The following DNAH8 variants were observed in gnomAD, a reference collection of about 807,000 sequenced individuals.
DNAH8 encodes the protein dynein axonemal heavy chain 8.
A neutral mutation model predicts 562.1 loss-of-function variants in DNAH8; 382 were observed. That is an observed-to-expected ratio of 0.68 (90% CI 0.63 to 0.74). The LOEUF (loss-of-function observed/expected upper bound fraction) is 0.74. DNAH8 is among the 30% of genes least tolerant of loss of function. The pLI is 0.00. For missense variants in DNAH8, 5,203 were observed against 5,620.4 expected (o/e 0.93, Z 2.37); for synonymous variants, 1,881 against 1,919.4 (o/e 0.98, Z 0.52).
intron 87 of DNAH8, among the ~76,000 whole-genome samples, chr6:38,987,878 G>A (rs1764506343): frequency 6.6e-6 from 1 of 152,180 alleles, no homozygotes; most frequent in Admixed American, 6.5e-5. Context: ...GGCCCTAAGG[G>A]CATGAGCTTA....
intron 24 of DNAH8, among the ~76,000 whole-genome samples, chr6:38,810,327 C>A (rs1049317670): frequency 1.3e-5 from 2 of 152,162 alleles, no homozygotes; most frequent in Non-Finnish European, 2.9e-5. Flanking sequence ...CGCAGTGGCT[C>A]ACCTCTGTAA....
At chr6:38,913,016 C>T (rs1347707539) in intron 66 of DNAH8, among the ~76,000 whole-genome samples, 1 of 152,206 alleles carries the variant, frequency 6.6e-6, no homozygotes. Flanking sequence ...GCCATGTTGG[C>T]CAGGCTGGTT....
Position 38,938,888 on chromosome 6 carries a change from A to G in DNAH8, c.11907A>G (p.Leu3969=), listed in dbSNP as rs1783202768. 1.9e-6 allele frequency: 3 copies of G among 1,613,728 alleles called. No homozygotes were observed. The highest frequency in any genetic ancestry group is 1.3e-5 in the African/African-American group (1 of 75,040). The change falls in exon 79 of 93, where the codon CTA becomes CTG. Residue 3969 remains leucine (L), a synonymous_variant. Coordinates refer to ENST00000327475, the MANE Select transcript of DNAH8 (RefSeq NM_001206927.2). The part of the protein sequence containing the change: ...YEVFTYSVRG[L]YENHKFLFVL... ...TTTTTACATACTCTGTCAGAGGCCTATACGAAAACCACAAATTCCTGTTTG... is the reference window on the plus strand; with the variant it reads ...TTTTTACATACTCTGTCAGAGGCCTGTACGAAAACCACAAATTCCTGTTTG...
At chr6:38,982,988 CATTATT>C (rs1307875162) in intron 86 of DNAH8, among the ~76,000 whole-genome samples, 1 of 152,136 alleles carries the variant, frequency 6.6e-6, no homozygotes, top group Non-Finnish European at 1.5e-5. Context: ...ATAAAAAAGG[CATTATT>C]ATTTATTTAT....
At chr6:38,838,973 C>T (rs1379683005) in intron 33 of DNAH8, among the ~76,000 whole-genome samples, 1 of 152,154 alleles carries the variant, frequency 6.6e-6, no homozygotes, top group African/African-American at 2.4e-5. Flanking sequence ...GTGAAAATTT[C>T]ATGAAAATAG....
At chr6:38,921,607 T>C (rs975224308) in intron 71 of DNAH8, 101 bp downstream of exon 71, 10 of 1,302,464 alleles carry the variant, frequency 7.7e-6, no homozygotes, top group Middle Eastern at 2.2e-4. Context: ...TGAAAAAATA[T>C]TGGCCAGCAT....
At chr6:38,881,955 C>A (rs1004600624) in intron 53 of DNAH8, among the ~76,000 whole-genome samples, 1 of 152,128 alleles carries the variant, frequency 6.6e-6, no homozygotes, top group South Asian at 2.1e-4. Flanking sequence ...TGCTAGGCAT[C>A]CATTACATTA....
chr6:38,756,389 G>A (rs1392987489), intron 10 of DNAH8, among the ~76,000 whole-genome samples: 5 of 152,016 alleles, frequency 3.3e-5, no homozygotes, highest in African/African-American at 1.2e-4. Flanking sequence ...TATTAACAGT[G>A]CTTCTTTAGC....
intron 12 of DNAH8, 146 bp from the exon 13 acceptor site, chr6:38,775,608 T>A (rs1767987415): frequency 5.3e-6 from 3 of 570,920 alleles, no homozygotes; most frequent in Non-Finnish European, 9.5e-6. Context: ...GTCTTCTGTT[T>A]TATCTCCTCT....
intron 32 of DNAH8, among the ~76,000 whole-genome samples, chr6:38,835,762 C>G (rs937795106): frequency 1.3e-5 from 2 of 151,974 alleles, no homozygotes; most frequent in Admixed American, 6.6e-5. Context: ...GAGTGGGCAG[C>G]GAGCACCAGT....
chr6:39,004,844 G>A (rs1246691036), intron 88 of DNAH8, among the ~76,000 whole-genome samples: 1 of 152,162 alleles, frequency 6.6e-6, no homozygotes, highest in Non-Finnish European at 1.5e-5. Flanking sequence ...GTTCATCCAT[G>A]TTGTAGCGTA....
chr6:38,837,569 C>G (rs9357284), intron 32 of DNAH8, among the ~76,000 whole-genome samples: 22,617 of 152,186 alleles, frequency 0.15, 1,829 homozygotes, highest in East Asian at 0.35. Context: ...TAACACTTTG[C>G]TCATTTGAGC....
chr6:38,871,830 C>T (rs1777488127), intron 49 of DNAH8, among the ~76,000 whole-genome samples: 1 of 152,134 alleles, frequency 6.6e-6, no homozygotes, highest in Non-Finnish European at 1.5e-5. Flanking sequence ...GTTTATTTCC[C>T]ATCCACCCCC....
intron 62 of DNAH8, among the ~76,000 whole-genome samples, chr6:38,904,609 G>T (rs1472419786): frequency 6.6e-6 from 1 of 152,022 alleles, no homozygotes; most frequent in East Asian, 1.9e-4. Context: ...GGCCAACATG[G>T]TGAAACCCCA....
rs1783023245 is a variant in DNAH8 at position 38,936,953 on chromosome 6, T to G, written c.11564-1021T>G. Among the ~76,000 whole-genome samples, 4 of 152,188 alleles carry G rather than the reference T, an allele frequency of 2.6e-5. No individual in the cohort carries two copies. In the South Asian group the frequency reaches 8.3e-4, roughly 31 times the overall value. ...TTAGCTCAGTACATCCAAGGTGTCT[T>G]TCCTTAGATTTTAATTAAAAACCAA... On this transcript the variant is annotated intron_variant, in intron 77 of 92. Transcript: ENST00000327475.
intron 26 of DNAH8, among the ~76,000 whole-genome samples, chr6:38,816,852 T>A (rs1772327696): frequency 6.6e-6 from 1 of 152,214 alleles, no homozygotes; most frequent in Admixed American, 6.5e-5. Context: ...TTGAGCTTTT[T>A]TTTATATATG....
chr6:38,909,409 A>G (rs1407634691), intron 64 of DNAH8, 109 bp from the exon 65 acceptor site: 3 of 958,286 alleles, frequency 3.1e-6, no homozygotes, highest in Non-Finnish European at 4.8e-6. Context: ...AAGAAGATTC[A>G]TTTTCAAATC....
intron 52 of DNAH8, among the ~76,000 whole-genome samples, chr6:38,875,071 G>C (rs752044973): frequency 6.6e-6 from 1 of 152,200 alleles, no homozygotes; most frequent in African/African-American, 2.4e-5. Context: ...CAGCTTTGCT[G>C]TTGTAGCACA....
chr6:38,737,743 TTTA>T (rs1764208589), intron 6 of DNAH8, 63 bp from the exon 7 acceptor site: 2 of 696,084 alleles, frequency 2.9e-6, no homozygotes, highest in African/African-American at 1.9e-5. Context: ...ATTTAATATT[TTTA>T]TTAATATATT....
Sources: allele counts gnomAD v4.1 joint callset (sites outside exome capture counted in the v4.1 genomes callset), GRCh38; gene constraint gnomAD v4.1.1; transcripts MANE v1.5; gene names NCBI Gene and HGNC (gene_info 2026-07-23, HGNC 2026-07-21).